Variants in SLC15A1 observed in about 807,000 individuals in gnomAD.
The protein encoded by SLC15A1 is solute carrier family 15 member 1.
In SLC15A1, 83 loss-of-function variants were observed where a neutral mutation model predicts 92.9. The ratio of observed to expected loss-of-function variants is 0.89; its 90% CI spans 0.75 to 1.07. The LOEUF (loss-of-function observed/expected upper bound fraction) is 1.07. Among genes scored for constraint, SLC15A1 ranks in the 50% least tolerant of loss-of-function variants. The probability of loss-of-function intolerance (pLI) is 0.00; values close to 1 mark genes in which losing one functional copy is unlikely to be tolerated. For missense variants in SLC15A1, 857 were observed against 880.1 expected (o/e 0.97, Z 0.33); for synonymous variants, 322 against 318.2 (o/e 1.01, Z -0.13).
At chr13:98,694,861 C>T (rs1593981502) in intron 18 of SLC15A1, among the ~76,000 whole-genome samples, 1 of 151,868 alleles carries the variant, frequency 6.6e-6, no homozygotes, top group South Asian at 2.1e-4. Context: ...CCTGTCTCTA[C>T]TAAAATACAA....
chr13:98,743,593 G>T (rs2088466543), intron 1 of SLC15A1, among the ~76,000 whole-genome samples: 1 of 152,206 alleles, frequency 6.6e-6, no homozygotes, highest in Non-Finnish European at 1.5e-5. Context: ...ATGCAGCAAA[G>T]CTGTTTGGCA....
At chr13:98,735,812 C>G (rs192992973) in intron 1 of SLC15A1, among the ~76,000 whole-genome samples, 44 of 152,244 alleles carry the variant, frequency 2.9e-4, no homozygotes, top group African/African-American at 1.0e-3. Flanking sequence ...TTAAGGAGAA[C>G]CACAAACCAC....
At chr13:98,719,955 T>C (rs554046911) in intron 7 of SLC15A1, among the ~76,000 whole-genome samples, 1 of 151,688 alleles carries the variant, frequency 6.6e-6, no homozygotes, top group Non-Finnish European at 1.5e-5. Context: ...AGGATTTATA[T>C]ATATATTTAT....
At chr13:98,693,089 T>G (rs1173546767) in intron 18 of SLC15A1, among the ~76,000 whole-genome samples, 1 of 42,432 alleles carries the variant, frequency 2.4e-5, no homozygotes, top group Non-Finnish European at 7.7e-5. Context: ...TTGTCTACGT[T>G]TTTTTTTTTT....
intron 1 of SLC15A1, among the ~76,000 whole-genome samples, chr13:98,733,516 T>C (rs1430400058): frequency 1.3e-5 from 2 of 152,154 alleles, no homozygotes; most frequent in Admixed American, 6.5e-5. Context: ...CCTCTGAAAA[T>C]GGTTTCCTAA....
intron 11 of SLC15A1, 145 bp downstream of exon 11, chr13:98,711,709 G>C (rs2088164056): frequency 3.3e-6 from 2 of 598,742 alleles, no homozygotes; most frequent in South Asian, 2.2e-5. Context: ...AACTCAATGT[G>C]ATCTAACAAT....
rs2087926673 is a variant in SLC15A1 at position 98,686,103 on chromosome 13, G to A, written c.1935+87C>T. The A allele has an allele frequency of 6.3e-6, 6 of 954,482 alleles. No homozygotes were observed. The Admixed American group carries it at 1.2e-4, about 19-fold the overall frequency. The allele number at this position is 954,482 out of a possible 1,614,324, so 59.1% of individuals were successfully genotyped here. A position where few individuals can be genotyped will look rare whatever the true frequency, so the allele number is the denominator to read the frequency against. ...AGCTATTAGCCTAGATGACCACACA[G>A]AGCACACAGATGGCTAGGGAAGGCC... On this transcript the variant is annotated intron_variant, in intron 22 of 22. Coordinates refer to ENST00000376503, the MANE Select transcript of SLC15A1 (RefSeq NM_005073.4).
At chr13:98,747,042 G>A (rs1160338268) in intron 1 of SLC15A1, among the ~76,000 whole-genome samples, 5 of 152,024 alleles carry the variant, frequency 3.3e-5, no homozygotes, top group African/African-American at 9.7e-5. Context: ...CCCCCACCCC[G>A]GCTGACACAG....
chr13:98,692,774 C>A (rs529861327), intron 18 of SLC15A1, among the ~76,000 whole-genome samples: 34 of 152,256 alleles, frequency 2.2e-4, no homozygotes, highest in African/African-American at 7.7e-4. Flanking sequence ...AAGACGGAGT[C>A]TCACTTTGTC....
At chr13:98,731,578 A>T (rs1334424261) in intron 1 of SLC15A1, among the ~76,000 whole-genome samples, 1 of 151,952 alleles carries the variant, frequency 6.6e-6, no homozygotes, top group Non-Finnish European at 1.5e-5. Context: ...AAATCACCCA[A>T]ATCCAGCAGA....
Position 98,726,455 on chromosome 13 carries a change from A to C in SLC15A1, c.22-6T>G. 1 of 1,613,076 alleles carries C rather than the reference A, an allele frequency of 6.2e-7. No individual in the cohort carries two copies. The highest frequency in any genetic ancestry group is 1.1e-5 in the South Asian group (1 of 90,922). The stretch of plus-strand genomic sequence containing the variant: ...AGGGGATAACCAAAGAAACTCTGAC[A>C]AAAAAGAAACAAGCACAGGATTGAA... On this transcript the variant is annotated splice_polypyrimidine_tract_variant and splice_region_variant and intron_variant, in intron 2 of 22. Coordinates refer to ENST00000376503, the MANE Select transcript of SLC15A1 (RefSeq NM_005073.4).
intron 1 of SLC15A1, among the ~76,000 whole-genome samples, chr13:98,728,562 G>A (rs1308953012): frequency 1.3e-5 from 2 of 152,134 alleles, no homozygotes; most frequent in Non-Finnish European, 2.9e-5. Flanking sequence ...GGATGGGAAG[G>A]GTAGGTGAAG....
intron 1 of SLC15A1, among the ~76,000 whole-genome samples, chr13:98,732,538 A>G (rs1478218087): frequency 6.6e-6 from 1 of 152,190 alleles, no homozygotes; most frequent in Non-Finnish European, 1.5e-5. Context: ...TCCCATCCAT[A>G]TGAATATTTC....
rs745469372 is a variant in SLC15A1 at position 98,723,936 on chromosome 13, G to A, written c.341C>T (p.Thr114Ile). The stretch of plus-strand genomic sequence containing the variant: ...CACGTGCACAGGAAGGCTGTCGGGG[G>A]TGCCATCATGGTTGTGGTCTGTGAG... ...NDLTDHNHDG[T>I]PDSLPVHVVL... The change falls in exon 5 of 23, where the codon ACC (threonine) becomes ATC (isoleucine). Residue 114 changes from threonine to isoleucine, a missense_variant. Transcript: ENST00000376503. 1.9e-6 allele frequency: 3 copies of A among 1,614,164 alleles called. No homozygotes were observed. In the Admixed American group the frequency reaches 5.0e-5, roughly 27 times the overall value.
chr13:98,745,281 C>T (rs1163039151), intron 1 of SLC15A1, among the ~76,000 whole-genome samples: 1 of 152,104 alleles, frequency 6.6e-6, no homozygotes, highest in South Asian at 2.1e-4. Flanking sequence ...AGCTGAGGAC[C>T]ATGGTGGAGT....
In SLC15A1 at chr13:98,688,558, C is replaced by G. The variant is rs762032608; in HGVS notation, c.1486G>C (p.Glu496Gln). ...CCACTCATTGTGATGGTGATGAGCTCGTTAAAAGTATTTACAAATCTGAAA... is the reference window on the plus strand; with the variant it reads ...CCACTCATTGTGATGGTGATGAGCTGGTTAAAAGTATTTACAAATCTGAAA... Reference protein sequence around the residue: ...NGIRFVNTFNELITITMSGKV... With the variant: ...NGIRFVNTFNQLITITMSGKV... Residue 496 changes from glutamate (E) to glutamine (Q), a missense_variant, in exon 19 of 23, where the codon GAG (glutamate) becomes CAG (glutamine). Glu to Gln is a conservative substitution (Grantham distance 29). Transcript: ENST00000376503. The G allele has an allele frequency of 1.2e-6, 2 of 1,613,212 alleles. No individual in the cohort carries two copies. Among genetic ancestry groups the G allele is most frequent in the Admixed American group, 1.7e-5 (1 of 59,968 alleles).
intron 1 of SLC15A1, among the ~76,000 whole-genome samples, chr13:98,730,135 G>T (rs2139599485): frequency 6.6e-6 from 1 of 151,392 alleles, no homozygotes; most frequent in Admixed American, 6.6e-5. Context: ...GGCGGAGGAT[G>T]CAGTGAGCTG....
Position 98,692,186 on chromosome 13 carries a change from C to T in SLC15A1, c.1467-3609G>A, listed in dbSNP as rs191626342. ...TTTTTTTTTTTAAGACAAGGCCTCA[C>T]TCTGTCACCCAGGCTGGAGTGCAGT... On this transcript the variant is annotated intron_variant, in intron 18 of 22. Coordinates refer to ENST00000376503, the MANE Select transcript of SLC15A1 (RefSeq NM_005073.4). 1.5e-4 allele frequency among the ~76,000 whole-genome samples: 19 copies of T among 125,308 alleles called. No individual in the cohort carries two copies. In the East Asian group the frequency reaches 3.5e-3, roughly 23 times the overall value. 82.2% of individuals were successfully genotyped at this position (125,308 alleles called of 152,430 possible). A position where few individuals can be genotyped will look rare whatever the true frequency, so the allele number is the denominator to read the frequency against.
intron 1 of SLC15A1, among the ~76,000 whole-genome samples, chr13:98,745,046 G>A (rs1433372684): frequency 1.3e-5 from 2 of 152,168 alleles, no homozygotes; most frequent in Non-Finnish European, 2.9e-5. Context: ...CATGAAGACT[G>A]CCTGGAAACT....
Sources: allele counts gnomAD v4.1 joint callset (sites outside exome capture counted in the v4.1 genomes callset), GRCh38; gene constraint gnomAD v4.1.1; transcripts MANE v1.5; gene names NCBI Gene and HGNC (gene_info 2026-07-23, HGNC 2026-07-21).